MRPS35: variants seen among roughly 807,000 people sequenced by gnomAD.
MRPS35 encodes the protein mitochondrial ribosomal protein S35.
A neutral mutation model predicts 32.7 loss-of-function variants in MRPS35; 29 were observed. That is an observed-to-expected ratio of 0.89 (90% CI 0.66 to 1.21). The LOEUF (loss-of-function observed/expected upper bound fraction) is 1.21, where lower values mean the gene tolerates loss of function less well. MRPS35 is among the 50% of genes most tolerant of loss of function. The probability of loss-of-function intolerance (pLI) is 0.00; values close to 1 mark genes in which losing one functional copy is unlikely to be tolerated. For synonymous variants in MRPS35, 148 were observed against 139.3 expected, an observed-to-expected ratio of 1.06 and a Z score of -0.44; for missense variants, 373 against 383.8, an observed-to-expected ratio of 0.97 and a Z score of 0.23.
chr12:27,725,960 C>T (rs1382923625), intron 5 of MRPS35, among the ~76,000 whole-genome samples: 1 of 151,822 alleles, frequency 6.6e-6, no homozygotes, highest in East Asian at 1.9e-4. Flanking sequence ...AGGAGTGTGC[C>T]ACCATGCCTG....
chr12:27,751,095 T>C, intron 7 of MRPS35, among the ~76,000 whole-genome samples: 1 of 62,372 alleles, frequency 1.6e-5, no homozygotes, highest in African/African-American at 6.4e-5. Flanking sequence ...AGAGTGAGAC[T>C]CCATCTCAAA....
intron 4 of MRPS35, among the ~76,000 whole-genome samples, 189 bp from the exon 5 acceptor site, chr12:27,723,858 G>T: frequency 6.6e-6 from 1 of 152,080 alleles, no homozygotes; most frequent in East Asian, 1.9e-4. Context: ...TAATTAAATT[G>T]CCTAATTTAG....
At chr12:27,719,018 C>T (rs774009960) in intron 3 of MRPS35, among the ~76,000 whole-genome samples, 1 of 152,058 alleles carries the variant, frequency 6.6e-6, no homozygotes, top group Non-Finnish European at 1.5e-5. Flanking sequence ...GCCTGGGAGA[C>T]AGAGGTTGCA....
chr12:27,752,345 A>G (rs1473003459), intron 7 of MRPS35, among the ~76,000 whole-genome samples: 1 of 152,244 alleles, frequency 6.6e-6, no homozygotes, highest in Admixed American at 6.5e-5. Context: ...GTATAATTAT[A>G]TACACCAAAT....
In MRPS35 at chr12:27,710,952, C is replaced by T; in HGVS notation, c.109C>T (p.Leu37=). The T allele has an allele frequency of 1.2e-6, 2 of 1,612,388 alleles. No homozygotes were observed. The highest frequency in any genetic ancestry group is 1.7e-6 in the Non-Finnish European group (2 of 1,179,468). ...GGCCACTCCGGTCCCGACACCTAGC[C>T]TGCGTGAGTGTCTGTCTCGTCTTCT... ...YSATPVPTPS[L]PERTPGNERP... Residue 37 remains leucine (L), a synonymous_variant, in exon 1 of 8, where the codon CTG becomes TTG. Coordinates refer to ENST00000081029, the MANE Select transcript of MRPS35 (RefSeq NM_021821.4).
chr12:27,755,139 C>G (rs1251648783), intron 7 of MRPS35, 42 bp from the exon 8 acceptor site: 1 of 1,458,038 alleles, frequency 6.9e-7, no homozygotes, highest in African/African-American at 1.5e-5. Context: ...TGATATTTCT[C>G]AGAATTCAGA....
At chr12:27,730,671 A>G (rs762863374) in intron 5 of MRPS35, among the ~76,000 whole-genome samples, 4 of 152,156 alleles carry the variant, frequency 2.6e-5, no homozygotes, top group East Asian at 1.9e-4. Flanking sequence ...GGGTTTTGCC[A>G]TGTTGCCAGG....
At chr12:27,749,687 C>T (rs887422018) in intron 7 of MRPS35, among the ~76,000 whole-genome samples, 7 of 152,126 alleles carry the variant, frequency 4.6e-5, no homozygotes, top group Non-Finnish European at 7.3e-5. Context: ...GGCATAGGTA[C>T]ATAGGTTTTA....
In MRPS35 at chr12:27,716,466, AAAT is replaced by A; in HGVS notation, c.321+9_321+11del. 1 of 1,613,996 alleles carries A rather than the reference AAAT, an allele frequency of 6.2e-7. No homozygotes were observed. The highest frequency in any genetic ancestry group is 8.5e-7 in the Non-Finnish European group (1 of 1,179,942). On this transcript the variant is annotated intron_variant, in intron 3 of 7. Coordinates refer to ENST00000081029, the MANE Select transcript of MRPS35 (RefSeq NM_021821.4). Reference sequence around the variant, plus strand: ...AATCTAGAACTTTTAAAGGTAAGACAAATTGCTGATTCATTGGCTCAGACTTAC... The same window carrying A: ...AATCTAGAACTTTTAAAGGTAAGACATGCTGATTCATTGGCTCAGACTTAC...
At chr12:27,740,631 C>T (rs2061960877) in intron 7 of MRPS35, among the ~76,000 whole-genome samples, 1 of 152,186 alleles carries the variant, frequency 6.6e-6, no homozygotes, top group Admixed American at 6.5e-5. Flanking sequence ...GGGAAAGTAG[C>T]TGCTAATTTT....
chr12:27,727,322 C>T (rs1056198814), intron 5 of MRPS35, among the ~76,000 whole-genome samples: 1 of 152,052 alleles, frequency 6.6e-6, no homozygotes, highest in Non-Finnish European at 1.5e-5. Context: ...ATGTTGTGGT[C>T]AGTGATAAAC....
chr12:27,742,928 C>T (rs1487030421), intron 7 of MRPS35, among the ~76,000 whole-genome samples: 1 of 152,044 alleles, frequency 6.6e-6, no homozygotes, highest in Non-Finnish European at 1.5e-5. Flanking sequence ...GCAATCATAG[C>T]TCACTGCATG....
At chr12:27,716,190 C>T in intron 2 of MRPS35, 101 bp from the exon 3 acceptor site, 5 of 1,192,804 alleles carry the variant, frequency 4.2e-6, no homozygotes, top group South Asian at 3.9e-5. Context: ...AATTTTGCTT[C>T]TATTTCTTGT....
chr12:27,737,677 C>T, intron 7 of MRPS35, 69 bp downstream of exon 7: 1 of 1,270,566 alleles, frequency 7.9e-7, no homozygotes, highest in Non-Finnish European at 1.1e-6. Context: ...TCAAAATACT[C>T]TTTGTGGCAA....
intron 7 of MRPS35, among the ~76,000 whole-genome samples, chr12:27,751,132 G>GAA (rs1176255965): frequency 4.1e-5 from 5 of 122,306 alleles, no homozygotes; most frequent in East Asian, 2.3e-4. Context: ...AAAAAGAAAA[G>GAA]AAAAGAAAAA....
Position 27,755,544 on chromosome 12 carries a change from AT to A in MRPS35, c.*102del, listed in dbSNP as rs2062023147. On this transcript the variant is annotated 3_prime_UTR_variant, in exon 8 of 8. Transcript: ENST00000081029. ...ATAAAATTGAAAATGTTAAAAAATC[AT>A]TTTTTTTCCTCAGAGTTAAAATTAT... 2.1e-5 allele frequency: 25 copies of A among 1,219,260 alleles called. No homozygotes were observed. The highest frequency in any genetic ancestry group is 4.1e-5 in the South Asian group (2 of 48,820). The allele number at this position is 1,219,260 out of a possible 1,614,324, so 75.5% of individuals were successfully genotyped here.
chr12:27,727,587 CT>C (rs1433226009), intron 5 of MRPS35, among the ~76,000 whole-genome samples: 1 of 151,980 alleles, frequency 6.6e-6, no homozygotes, highest in Admixed American at 6.6e-5. Context: ...CTAGCCATGT[CT>C]TTGTCAAAAA....
intron 4 of MRPS35, 88 bp from the exon 5 acceptor site, chr12:27,723,959 C>T (rs1341744635): frequency 6.2e-6 from 8 of 1,296,702 alleles, no homozygotes; most frequent in African/African-American, 4.6e-5. Context: ...TGGTGATGCT[C>T]TCAGTAATTT....
At chr12:27,729,903 T>G (rs1444729082) in intron 5 of MRPS35, among the ~76,000 whole-genome samples, 7 of 152,226 alleles carry the variant, frequency 4.6e-5, no homozygotes, top group Admixed American at 2.0e-4. Context: ...GTTTGTTTCC[T>G]TTGTCAAAGA....
Sources: gnomAD v4.1 joint callset for allele counts (sites outside exome capture counted in the v4.1 genomes callset) on GRCh38, gnomAD v4.1.1 for gene constraint, MANE v1.5 for transcripts, NCBI Gene and HGNC (gene_info 2026-07-23, HGNC 2026-07-21) for gene names.